Variants in RFTN1 observed in about 807,000 individuals in gnomAD.
RFTN1 encodes the protein raftlin.
RFTN1 carries 26 observed loss-of-function variants against 46.5 expected under a neutral mutation model. That is an observed-to-expected ratio of 0.56 (90% CI 0.41 to 0.78). RFTN1 has a LOEUF of 0.78. Ranked by LOEUF, RFTN1 falls within the 30% of genes least tolerant of loss-of-function variation. The pLI is 0.00. For synonymous variants in RFTN1, 261 were observed against 284.2 expected (o/e 0.92, Z 0.82); for missense variants, 693 against 718.7 (o/e 0.96, Z 0.41).
intron 2 of RFTN1, among the ~76,000 whole-genome samples, chr3:16,462,915 G>T (rs1440356479): frequency 6.6e-6 from 1 of 152,202 alleles, no homozygotes; most frequent in Non-Finnish European, 1.5e-5. Context: ...GTTATGAATT[G>T]AGCTTAACAA....
intron 5 of RFTN1, among the ~76,000 whole-genome samples, chr3:16,373,567 G>A (rs114868163): frequency 0.024 from 3,692 of 152,322 alleles, 147 homozygotes; most frequent in African/African-American, 0.083. Context: ...GCCTGCAGGT[G>A]GGGCCCCAGA....
At position 16,433,110 on chromosome 3, in the gene RFTN1, A is replaced by T. The variant is rs2075427084; in HGVS notation, c.332+741T>A. ...AATCTGATTTCCTTTCCCAGACTTC[A>T]TTTTAATTTTTATTTTTATGAAAGC... On this transcript the variant is annotated intron_variant, in intron 3 of 9. Coordinates refer to ENST00000334133, the MANE Select transcript of RFTN1 (RefSeq NM_015150.2). The surrounding 1 kb of genome is among the most constrained non-coding windows in gnomAD (Gnocchi z 4.4). Among the ~76,000 whole-genome samples, 1 of 151,970 alleles carries T rather than the reference A, an allele frequency of 6.6e-6. No individual in the cohort carries two copies. Among genetic ancestry groups the T allele is most frequent in the South Asian group, 2.1e-4 (1 of 4,830 alleles).
At position 16,436,198 on chromosome 3, in the gene RFTN1, A is replaced by G. The variant is rs1361419584; in HGVS notation, c.146-2161T>C. ...CTCCTTGTCTGTGAACTGTCTGTCC[A>G]TTATCTTTGCCTCGTGTCCTATTTA... On this transcript the variant is annotated intron_variant, in intron 2 of 9. Coordinates refer to ENST00000334133, the MANE Select transcript of RFTN1 (RefSeq NM_015150.2). 1.5e-4 allele frequency among the ~76,000 whole-genome samples: 23 copies of G among 151,726 alleles called. No homozygotes were observed. The East Asian group carries it at 4.5e-3, about 29-fold the overall frequency.
At position 16,413,714 on chromosome 3, in the gene RFTN1, T is replaced by C. The variant is rs2075017184; in HGVS notation, c.333-4231A>G. Among the ~76,000 whole-genome samples the C allele has an allele frequency of 6.6e-6, 1 of 152,162 alleles. No homozygotes were observed. Among genetic ancestry groups the C allele is most frequent in the South Asian group, 2.1e-4 (1 of 4,820 alleles). ...GAAATTAACACTAAGCACTCTCCAA[T>C]TAAATAAAGACACTCTGAGGAGAGC... On this transcript the variant is annotated intron_variant, in intron 3 of 9. Transcript: ENST00000334133. The surrounding 1 kb of genome is among the most constrained non-coding windows in gnomAD (Gnocchi z 4.7).
At chr3:16,326,265 G>C (rs1308980636) in intron 8 of RFTN1, among the ~76,000 whole-genome samples, 1 of 152,256 alleles carries the variant, frequency 6.6e-6, no homozygotes, top group African/African-American at 2.4e-5. Context: ...TGAAAGGCAG[G>C]CCTTTACAGC....
intron 2 of RFTN1, among the ~76,000 whole-genome samples, chr3:16,445,624 C>T (rs1313975724): frequency 6.6e-6 from 1 of 151,616 alleles, no homozygotes; most frequent in Non-Finnish European, 1.5e-5. Context: ...AATGTTCAAC[C>T]AATTTCAAAG....
chr3:16,358,147 C>A (rs997980261), intron 6 of RFTN1, 100 bp from the exon 7 acceptor site: 2 of 700,710 alleles, frequency 2.9e-6, no homozygotes, highest in Non-Finnish European at 5.1e-6. Flanking sequence ...CATTAATAAT[C>A]CCAATCAGAA....
Position 16,409,684 on chromosome 3 carries a change from A to ATTTTT in RFTN1, c.333-206_333-202dup, listed in dbSNP as rs386396025. Reference sequence around the variant, plus strand: ...AGGCACCCACTACCACACCCGGCTAATTTTTTTTTTTTTTTTTTGAGACGG... The same window carrying ATTTTT: ...AGGCACCCACTACCACACCCGGCTAATTTTTTTTTTTTTTTTTTTTTTTGAGACGG... On this transcript the variant is annotated intron_variant, in intron 3 of 9. Coordinates refer to ENST00000334133, the MANE Select transcript of RFTN1 (RefSeq NM_015150.2). 5.7e-5 allele frequency among the ~76,000 whole-genome samples: 7 copies of ATTTTT among 122,506 alleles called. 1 individual carries two copies. The highest frequency in any genetic ancestry group is 9.6e-5 in the African/African-American group (3 of 31,314). The allele number at this position is 122,506 out of a possible 152,430, so 80.4% of individuals were successfully genotyped here. A position where few individuals can be genotyped will look rare whatever the true frequency, so the allele number is the denominator to read the frequency against.
chr3:16,344,227 T>G lies in RFTN1; in HGVS notation c.1146+13705A>C, dbSNP rs1429942412. ...CTATTACATTTTATTGGGCTGGTTT[T>G]TGTCCAACATTCATATACTAAGAAG... On this transcript the variant is annotated intron_variant, in intron 7 of 9. Coordinates refer to ENST00000334133, the MANE Select transcript of RFTN1 (RefSeq NM_015150.2). The surrounding 1 kb of genome is among the most constrained non-coding windows in gnomAD (Gnocchi z 4.4). Among the ~76,000 whole-genome samples, 2 of 152,232 alleles carry G rather than the reference T, an allele frequency of 1.3e-5. No homozygotes were observed. Among genetic ancestry groups the G allele is most frequent in the Admixed American group, 1.3e-4 (2 of 15,286 alleles).
rs2071071083 is a variant in RFTN1, at chr3:16,338,465, T to C, written c.1147-11589A>G. ...CTGCTCATCGGGACCACGTATGCAATAGCACAGGGCTCCTGTCCTCTAGAA... is the reference window on the plus strand; with the variant it reads ...CTGCTCATCGGGACCACGTATGCAACAGCACAGGGCTCCTGTCCTCTAGAA... On this transcript the variant is annotated intron_variant, in intron 7 of 9. Transcript: ENST00000334133. This position sits in a 1 kb window ranked among gnomAD's most constrained non-coding sequence, Gnocchi z 5.3. 6.6e-6 allele frequency among the ~76,000 whole-genome samples: 1 copy of C among 152,236 alleles called. No individual in the cohort carries two copies.
At chr3:16,495,508 G>A (rs1396634304) in intron 1 of RFTN1, among the ~76,000 whole-genome samples, 1 of 152,224 alleles carries the variant, frequency 6.6e-6, no homozygotes, top group East Asian at 1.9e-4. Flanking sequence ...ACTACAAGAG[G>A]GAGGACATTC....
intron 2 of RFTN1, among the ~76,000 whole-genome samples, chr3:16,436,700 T>G (rs1027854002): frequency 1.3e-5 from 2 of 152,212 alleles, no homozygotes; most frequent in African/African-American, 2.4e-5. Flanking sequence ...TTTTCCTCAT[T>G]GATTTGAGAT....
At chr3:16,391,897 T>TG (rs2074359904) in intron 4 of RFTN1, among the ~76,000 whole-genome samples, 4 of 93,866 alleles carry the variant, frequency 4.3e-5, no homozygotes, top group African/African-American at 1.5e-4. Context: ...TTTTTTTGTT[T>TG]TTTTTACGGG....
In RFTN1 at chr3:16,459,462, A is replaced by G. The variant is rs1206518852; in HGVS notation, c.146-25425T>C. 6.6e-6 allele frequency among the ~76,000 whole-genome samples: 1 copy of G among 152,198 alleles called. No homozygotes were observed. The highest frequency in any genetic ancestry group is 1.9e-4 in the East Asian group (1 of 5,194). ...AATTTAAAAATGAGCCAGGAATAGC[A>G]GCGTGTGCCTTTATCCCAGCTACTT... On this transcript the variant is annotated intron_variant, in intron 2 of 9. Coordinates refer to ENST00000334133, the MANE Select transcript of RFTN1 (RefSeq NM_015150.2). The surrounding 1 kb of genome is among the most constrained non-coding windows in gnomAD (Gnocchi z 4.2).
intron 2 of RFTN1, among the ~76,000 whole-genome samples, chr3:16,470,428 A>G (rs1296166371): frequency 4.6e-5 from 7 of 152,238 alleles, no homozygotes; most frequent in Middle Eastern, 3.2e-3. Context: ...GTACCACAGG[A>G]GCAGCTAAAA....
At chr3:16,343,537 GC>G (rs757584823) in intron 7 of RFTN1, among the ~76,000 whole-genome samples, 3 of 152,154 alleles carry the variant, frequency 2.0e-5, no homozygotes, top group East Asian at 3.9e-4. Context: ...CCTAGAGTCT[GC>G]TGATGTTTCT....
chr3:16,385,102 C>T lies in RFTN1; in HGVS notation c.442-7000G>A, dbSNP rs1380536488. On this transcript the variant is annotated intron_variant, in intron 4 of 9. Transcript: ENST00000334133. The surrounding 1 kb of genome is among the most constrained non-coding windows in gnomAD (Gnocchi z 5.0). The stretch of plus-strand genomic sequence containing the variant: ...ATCCGTGACAACATAGCACAGCACA[C>T]GCAGGGAGCCCACAGCAGAGGCATG... 3.3e-5 allele frequency among the ~76,000 whole-genome samples: 5 copies of T among 152,158 alleles called. No individual in the cohort carries two copies. The highest frequency in any genetic ancestry group is 1.3e-4 in the Admixed American group (2 of 15,284).
intron 2 of RFTN1, among the ~76,000 whole-genome samples, chr3:16,461,695 A>T (rs1175597606): frequency 6.6e-6 from 1 of 152,252 alleles, no homozygotes; most frequent in South Asian, 2.1e-4. Flanking sequence ...TACCTCAATT[A>T]TCTGGCAGGC....
At chr3:16,347,052 C>G (rs768261782) in intron 7 of RFTN1, among the ~76,000 whole-genome samples, 1 of 152,230 alleles carries the variant, frequency 6.6e-6, no homozygotes, top group East Asian at 1.9e-4. Flanking sequence ...ATGACCACCA[C>G]CCTTATTCTA....
Sources: allele counts gnomAD v4.1 joint callset (sites outside exome capture counted in the v4.1 genomes callset), GRCh38; gene constraint gnomAD v4.1.1; non-coding constraint Gnocchi (gnomAD v3.1); transcripts MANE v1.5; gene names NCBI Gene and HGNC (gene_info 2026-07-23, HGNC 2026-07-21).